Variants in DYNC1I1 observed in about 807,000 individuals in gnomAD.
The protein encoded by DYNC1I1 is cytoplasmic dynein 1 intermediate chain 1.
A neutral mutation model predicts 86.6 loss-of-function variants in DYNC1I1; 43 were observed. The observed-to-expected ratio is 0.50, with a 90% CI of 0.39 to 0.64. The LOEUF (loss-of-function observed/expected upper bound fraction) is 0.64, where lower values mean the gene tolerates loss of function less well. DYNC1I1 is among the 30% of genes least tolerant of loss of function. The pLI is 0.00. For missense variants in DYNC1I1, 604 were observed against 788.8 expected (o/e 0.77, Z 2.81); for synonymous variants, 262 against 283.7 (o/e 0.92, Z 0.77).
intron 6 of DYNC1I1, among the ~76,000 whole-genome samples, chr7:95,882,812 T>C (rs903458635): frequency 6.6e-6 from 1 of 152,224 alleles, no homozygotes; most frequent in African/African-American, 2.4e-5. Flanking sequence ...GACTCTCCCT[T>C]CGTCTATTTA....
intron 6 of DYNC1I1, among the ~76,000 whole-genome samples, chr7:95,891,448 T>G (rs1790736093): frequency 6.6e-6 from 1 of 152,198 alleles, no homozygotes; most frequent in Non-Finnish European, 1.5e-5. Context: ...AACCTCTGCT[T>G]CATGTCCACT....
chr7:95,904,128 G>C (rs1043967155), intron 6 of DYNC1I1, among the ~76,000 whole-genome samples: 3 of 152,150 alleles, frequency 2.0e-5, no homozygotes, highest in African/African-American at 7.2e-5. Flanking sequence ...TTATTTTAGG[G>C]TATATGGAGA....
At chr7:96,080,804 C>A (rs1407075866) in intron 16 of DYNC1I1, among the ~76,000 whole-genome samples, 1 of 152,000 alleles carries the variant, frequency 6.6e-6, no homozygotes, top group Non-Finnish European at 1.5e-5. Context: ...GGGTGCGGTG[C>A]CTCACGCCTG....
At chr7:95,906,105 G>A (rs759652348) in intron 6 of DYNC1I1, among the ~76,000 whole-genome samples, 1 of 152,162 alleles carries the variant, frequency 6.6e-6, no homozygotes. Flanking sequence ...TGATAGACAT[G>A]TTCAGTCAGT....
Position 96,028,229 on chromosome 7 carries a change from G to T in DYNC1I1, c.1024G>T (p.Gly342Trp). The change falls in exon 11 of 17, where the codon GGG (glycine) becomes TGG (tryptophan). Residue 342 changes from glycine to tryptophan, a missense_variant. Gly to Trp is a radical substitution (Grantham distance 184). Transcript: ENST00000447467. ...TTTCCATCCTAACTTGGTGGTTGGTGGGACTTACTCGGGCCAGATTGTCCT... is the reference window on the plus strand; with the variant it reads ...TTTCCATCCTAACTTGGTGGTTGGTTGGACTTACTCGGGCCAGATTGTCCT... Reference protein sequence around the residue: ...ARFHPNLVVGGTYSGQIVLWD... With the variant: ...ARFHPNLVVGWTYSGQIVLWD... 1 of 1,613,872 alleles carries T rather than the reference G, an allele frequency of 6.2e-7. No homozygotes were observed. Among genetic ancestry groups the T allele is most frequent in the Non-Finnish European group, 8.5e-7 (1 of 1,179,862 alleles).
chr7:95,872,755 A>T (rs1209213287), intron 6 of DYNC1I1, among the ~76,000 whole-genome samples: 2 of 152,222 alleles, frequency 1.3e-5, no homozygotes, highest in Non-Finnish European at 2.9e-5. Flanking sequence ...TTGGAGAAGG[A>T]TACCTTTGCC....
At chr7:96,094,745 G>A (rs1790953127) in intron 16 of DYNC1I1, among the ~76,000 whole-genome samples, 1 of 152,074 alleles carries the variant, frequency 6.6e-6, no homozygotes, top group African/African-American at 2.4e-5. Flanking sequence ...CAATCACCTT[G>A]GGTTATTTTT....
At chr7:95,911,826 G>T (rs1255866007) in intron 6 of DYNC1I1, among the ~76,000 whole-genome samples, 1 of 152,026 alleles carries the variant, frequency 6.6e-6, no homozygotes, top group African/African-American at 2.4e-5. Context: ...TTTAAAGGGG[G>T]CTATCCTACC....
chr7:96,034,324 T>G (rs117928477), intron 12 of DYNC1I1, among the ~76,000 whole-genome samples: 2,075 of 152,278 alleles, frequency 0.014, 21 homozygotes, highest in Non-Finnish European at 0.021. Context: ...TAAACAGACA[T>G]AAGAGCAAGC....
chr7:96,096,787 A>G (rs1791021728), intron 16 of DYNC1I1, among the ~76,000 whole-genome samples: 1 of 152,100 alleles, frequency 6.6e-6, no homozygotes. Context: ...TGACACTTAT[A>G]TTTGCTTGCT....
At chr7:95,945,578 T>TA (rs903640348) in intron 6 of DYNC1I1, among the ~76,000 whole-genome samples, 28 of 152,134 alleles carry the variant, frequency 1.8e-4, no homozygotes, top group Non-Finnish European at 2.9e-4. Flanking sequence ...CCTTTGTTTA[T>TA]AAAAAAAAGT....
intron 11 of DYNC1I1, among the ~76,000 whole-genome samples, chr7:96,031,593 T>C (rs1259177966): frequency 1.3e-5 from 2 of 152,180 alleles, no homozygotes; most frequent in Admixed American, 6.5e-5. Flanking sequence ...ATTAGATGAT[T>C]ATTACCACTC....
intron 15 of DYNC1I1, 27 bp from the exon 16 acceptor site, chr7:96,080,336 T>C: frequency 6.5e-7 from 1 of 1,545,240 alleles, no homozygotes; most frequent in Non-Finnish European, 8.7e-7. Flanking sequence ...CAGAGATTCT[T>C]TTATTCTGTT....
chr7:95,790,579 CTG>C (rs1794270828), intron 1 of DYNC1I1, among the ~76,000 whole-genome samples: 1 of 152,200 alleles, frequency 6.6e-6, no homozygotes, highest in Non-Finnish European at 1.5e-5. Context: ...TTTAGTAACT[CTG>C]TGTTTTCCTC....
intron 14 of DYNC1I1, among the ~76,000 whole-genome samples, chr7:96,050,023 A>G (rs1393634377): frequency 6.7e-6 from 1 of 149,350 alleles, no homozygotes; most frequent in Non-Finnish European, 1.5e-5. Context: ...CTCCATCTCA[A>G]AAAAAACAAA....
At chr7:96,069,257 A>G (rs1790091651) in intron 14 of DYNC1I1, among the ~76,000 whole-genome samples, 1 of 152,212 alleles carries the variant, frequency 6.6e-6, no homozygotes, top group Admixed American at 6.5e-5. Flanking sequence ...GGAGCAAAGC[A>G]ATCAAAGGGG....
At chr7:96,090,819 A>G (rs963935783) in intron 16 of DYNC1I1, among the ~76,000 whole-genome samples, 3 of 152,200 alleles carry the variant, frequency 2.0e-5, no homozygotes, top group African/African-American at 7.2e-5. Context: ...AATAAGTTAC[A>G]TACCATATAT....
intron 5 of DYNC1I1, among the ~76,000 whole-genome samples, chr7:95,837,280 G>A (rs1237270842): frequency 7.2e-5 from 11 of 151,850 alleles, no homozygotes; most frequent in African/African-American, 9.7e-5. Context: ...TAGGCTGCTC[G>A]GGGGTCAGGG....
chr7:95,796,657 A>G (rs1794445220), intron 1 of DYNC1I1, among the ~76,000 whole-genome samples: 1 of 152,064 alleles, frequency 6.6e-6, no homozygotes. Context: ...CTTTTCCTAA[A>G]AAAAGCCTGA....
Sources: gnomAD v4.1 joint callset for allele counts (sites outside exome capture counted in the v4.1 genomes callset) on GRCh38, gnomAD v4.1.1 for gene constraint, MANE v1.5 for transcripts, NCBI Gene and HGNC (gene_info 2026-07-23, HGNC 2026-07-21) for gene names.